Variants in EPHA3 observed in about 807,000 individuals in gnomAD.
EPHA3 encodes the protein ephrin type-A receptor 3.
In EPHA3, 42 loss-of-function variants were observed where a neutral mutation model predicts 107.1. The ratio of observed to expected loss-of-function variants is 0.39; its 90% confidence interval spans 0.31 to 0.51. The LOEUF (loss-of-function observed/expected upper bound fraction) is 0.51. Among genes scored for constraint, EPHA3 ranks in the 20% least tolerant of loss-of-function variants. The probability of loss-of-function intolerance (pLI) is 0.78; values close to 1 mark genes in which losing one functional copy is unlikely to be tolerated. For missense variants in EPHA3, 1,183 were observed against 1,211.2 expected (o/e 0.98, Z 0.35); for synonymous variants, 461 against 424.8 (o/e 1.09, Z -1.05).
At chr3:89,193,618 G>A (rs1460998811) in intron 2 of EPHA3, among the ~76,000 whole-genome samples, 2 of 151,796 alleles carry the variant, frequency 1.3e-5, no homozygotes, top group Non-Finnish European at 2.9e-5. Flanking sequence ...ATAAATGTAT[G>A]AAATCATAGA....
intron 5 of EPHA3, among the ~76,000 whole-genome samples, chr3:89,345,596 G>C (rs1707627669): frequency 6.9e-6 from 1 of 145,132 alleles, no homozygotes; most frequent in Non-Finnish European, 1.5e-5. Context: ...GAACACTTCA[G>C]TGACAATTTC....
At chr3:89,207,574 T>G (rs1238459640) in intron 2 of EPHA3, among the ~76,000 whole-genome samples, 1 of 123,726 alleles carries the variant, frequency 8.1e-6, no homozygotes, top group Non-Finnish European at 1.8e-5. Context: ...CATAACATAG[T>G]GTCAATAGAA....
intron 3 of EPHA3, among the ~76,000 whole-genome samples, chr3:89,220,384 A>T (rs1199359703): frequency 1.3e-5 from 2 of 152,208 alleles, no homozygotes; most frequent in African/African-American, 4.8e-5. Flanking sequence ...ACACCTCTGC[A>T]AGAAAAACAA....
chr3:89,374,153 C>A lies in EPHA3; in HGVS notation c.1307-21684C>A, dbSNP rs188974250. Among the ~76,000 whole-genome samples the A allele has an allele frequency of 6.5e-3, 988 of 151,790 alleles. 9 individuals are homozygous for A. Among genetic ancestry groups the A allele is most frequent in the African/African-American group, 0.023 (939 of 41,444 alleles). ...TTTCTTGTTGCTTGGGAATTGGCAA[C>A]TAGAATAAAAAAGTCAGGCAAAAAT... On this transcript the variant is annotated intron_variant, in intron 5 of 16. Coordinates refer to ENST00000336596, the MANE Select transcript of EPHA3 (RefSeq NM_005233.6).
intron 1 of EPHA3, among the ~76,000 whole-genome samples, chr3:89,113,401 T>C (rs1036952010): frequency 1.4e-5 from 2 of 146,860 alleles, no homozygotes; most frequent in African/African-American, 5.0e-5. Context: ...TATCAGGTAG[T>C]TCTTGGAACC....
At chr3:89,157,553 T>C (rs1171805696) in intron 2 of EPHA3, among the ~76,000 whole-genome samples, 2 of 148,446 alleles carry the variant, frequency 1.3e-5, no homozygotes, top group African/African-American at 5.2e-5. Flanking sequence ...AACATGTGCT[T>C]AAGTTTACAG....
chr3:89,241,138 C>T (rs566663173), intron 3 of EPHA3, among the ~76,000 whole-genome samples: 1 of 151,938 alleles, frequency 6.6e-6, no homozygotes, highest in Admixed American at 6.5e-5. Flanking sequence ...TAAAAAAACA[C>T]CAGTCATTGC....
chr3:89,218,444 T>C (rs923363422), intron 3 of EPHA3, among the ~76,000 whole-genome samples: 1 of 151,980 alleles, frequency 6.6e-6, no homozygotes, highest in African/African-American at 2.4e-5. Flanking sequence ...GCTTCATCCA[T>C]GTCCTTACAA....
At position 89,472,624 on chromosome 3, in the gene EPHA3, G is replaced by GAA; in HGVS notation, c.2846+13_2846+14dup. The stretch of plus-strand genomic sequence containing the variant: ...AATAGCCAAGATTTCCACAGAGTAA[G>GAA]AAAAAAAAATTCATTAAGAAGAATG... On this transcript the variant is annotated splice_donor_region_variant and intron_variant, in intron 16 of 16. Coordinates refer to ENST00000336596, the MANE Select transcript of EPHA3 (RefSeq NM_005233.6). 6.3e-7 allele frequency: 1 copy of GAA among 1,579,992 alleles called. No homozygotes were observed.
At chr3:89,312,992 G>A (rs768566005) in intron 3 of EPHA3, among the ~76,000 whole-genome samples, 2 of 151,884 alleles carry the variant, frequency 1.3e-5, no homozygotes, top group East Asian at 1.9e-4. Context: ...TAATTAATGG[G>A]CATTTAGGTT....
At chr3:89,214,323 A>G (rs1704175282) in intron 3 of EPHA3, among the ~76,000 whole-genome samples, 1 of 151,964 alleles carries the variant, frequency 6.6e-6, no homozygotes, top group African/African-American at 2.4e-5. Context: ...TCCACTGCAC[A>G]ATATACAGCA....
chr3:89,308,517 C>T (rs572730642), intron 3 of EPHA3, among the ~76,000 whole-genome samples: 33 of 151,762 alleles, frequency 2.2e-4, no homozygotes, highest in African/African-American at 7.5e-4. Context: ...GCTGAAGTGA[C>T]GGTTATGCTA....
rs139892100 is a variant in EPHA3 at position 89,378,145 on chromosome 3, G to A, written c.1307-17692G>A. ...GGGACTAGGGGAGGGATAGTATTAG[G>A]AGAAATACCTAATATAGATGATGGG... On this transcript the variant is annotated intron_variant, in intron 5 of 16. Transcript: ENST00000336596. Among the ~76,000 whole-genome samples the A allele has an allele frequency of 5.8e-3, 885 of 152,082 alleles. 8 individuals are homozygous for A. Among genetic ancestry groups the A allele is most frequent in the African/African-American group, 0.017 (712 of 41,476 alleles).
At chr3:89,381,564 G>C (rs1462972924) in intron 5 of EPHA3, among the ~76,000 whole-genome samples, 2 of 151,926 alleles carry the variant, frequency 1.3e-5, no homozygotes, top group Admixed American at 6.6e-5. Context: ...ATCTACTGGG[G>C]AGGCTGAAGC....
In EPHA3 at chr3:89,407,284, G is replaced by C. The variant is rs756765228; in HGVS notation, c.1610G>C (p.Gly537Ala). The change falls in exon 8 of 17, where the codon GGT (glycine) becomes GCT (alanine). Residue 537 changes from glycine (G) to alanine (A), a missense_variant. Transcript: ENST00000336596. ...AACCTCACAGCTTTCTCCATCTCTG[G>C]TGAAAGTAGCCAAGTGGTCATGATC... is the stretch of plus-strand genomic sequence containing the variant. ...ETSPDSFSIS[G>A]ESSQVVMIAI... 1 of 1,613,150 alleles carries C rather than the reference G, an allele frequency of 6.2e-7. No individual in the cohort carries two copies. Among genetic ancestry groups the C allele is most frequent in the Admixed American group, 1.7e-5 (1 of 59,940 alleles).
intron 3 of EPHA3, among the ~76,000 whole-genome samples, chr3:89,309,247 C>T (rs191700199): frequency 6.6e-6 from 1 of 152,098 alleles, no homozygotes; most frequent in Non-Finnish European, 1.5e-5. Flanking sequence ...ATAGGATACT[C>T]TTTCCACAAA....
intron 16 of EPHA3, among the ~76,000 whole-genome samples, chr3:89,475,807 C>T (rs1710493888): frequency 6.6e-6 from 1 of 151,612 alleles, no homozygotes; most frequent in Non-Finnish European, 1.5e-5. Context: ...TGGTCTCAGT[C>T]TGGAGCTGCT....
chr3:89,268,124 TG>T (rs1705581951), intron 3 of EPHA3, among the ~76,000 whole-genome samples: 2 of 152,136 alleles, frequency 1.3e-5, no homozygotes, highest in African/African-American at 4.8e-5. Context: ...TGTGGTAGGT[TG>T]ATGTAACTCA....
At chr3:89,445,901 AG>A (rs1172020443) in intron 13 of EPHA3, among the ~76,000 whole-genome samples, 2 of 152,202 alleles carry the variant, frequency 1.3e-5, no homozygotes, top group Non-Finnish European at 2.9e-5. Flanking sequence ...ATTAGTACGA[AG>A]GTAAAGATAG....
Sources: gnomAD v4.1 joint callset for allele counts (sites outside exome capture counted in the v4.1 genomes callset) on GRCh38, gnomAD v4.1.1 for gene constraint, MANE v1.5 for transcripts, NCBI Gene and HGNC (gene_info 2026-07-23, HGNC 2026-07-21) for gene names.